SMYD3: variants seen among roughly 807,000 people sequenced by gnomAD.
SMYD3 encodes the protein SET and MYND domain containing 3.
Under a neutral mutation model 57.7 loss-of-function variants are expected in SMYD3, and 36 were observed. The ratio of observed to expected loss-of-function variants is 0.62; its 90% confidence interval spans 0.48 to 0.82. SMYD3 has a LOEUF of 0.82. Among genes scored for constraint, SMYD3 ranks in the 40% least tolerant of loss-of-function variants. The pLI is 0.00. For synonymous variants in SMYD3, 211 were observed against 195.0 expected, an observed-to-expected ratio of 1.08 and a Z score of -0.68; for missense variants, 515 against 538.8, an observed-to-expected ratio of 0.96 and a Z score of 0.44.
intron 5 of SMYD3, among the ~76,000 whole-genome samples, chr1:246,075,781 C>A (rs1243543141): frequency 6.6e-6 from 1 of 151,886 alleles, no homozygotes; most frequent in South Asian, 2.1e-4. Flanking sequence ...ATTGAGGGAG[C>A]TTTAAAATAT....
At chr1:246,480,512 A>C (rs944988803) in intron 1 of SMYD3, among the ~76,000 whole-genome samples, 3 of 152,192 alleles carry the variant, frequency 2.0e-5, no homozygotes, top group Admixed American at 6.5e-5. Context: ...AATACCTTAG[A>C]AGGTTAGATT....
At chr1:246,474,133 C>G (rs886575089) in intron 1 of SMYD3, among the ~76,000 whole-genome samples, 3 of 152,304 alleles carry the variant, frequency 2.0e-5, no homozygotes, top group East Asian at 3.9e-4. Flanking sequence ...AATTCTACAT[C>G]GGAGTGTTTT....
chr1:246,024,345 G>GA (rs2059534828), intron 5 of SMYD3, among the ~76,000 whole-genome samples: 3 of 136,462 alleles, frequency 2.2e-5, no homozygotes, highest in Non-Finnish European at 4.8e-5. Context: ...ATCTAGGAAG[G>GA]AGATACAGGA....
intron 1 of SMYD3, among the ~76,000 whole-genome samples, chr1:246,383,732 TG>T (rs1348263205): frequency 3.3e-5 from 5 of 152,270 alleles, no homozygotes; most frequent in African/African-American, 1.2e-4. Context: ...GAGGCCGAGG[TG>T]GGTTGATCAC....
intron 5 of SMYD3, among the ~76,000 whole-genome samples, chr1:246,178,573 T>C (rs2062474502): frequency 6.6e-6 from 1 of 152,148 alleles, no homozygotes; most frequent in Non-Finnish European, 1.5e-5. Flanking sequence ...AATGAATGAA[T>C]GGACAAGTGC....
At position 245,958,917 on chromosome 1, in the gene SMYD3, G is replaced by A. The variant is rs147194259; in HGVS notation, c.532-28980C>T. On this transcript the variant is annotated intron_variant, in intron 5 of 11. Coordinates refer to ENST00000490107, the MANE Select transcript of SMYD3 (RefSeq NM_001167740.2). ...TAAGAACTCTTTTTTGTTGTTGTTT[G>A]GTTTTTTTGAAACAGAGTTTCATTC... is the stretch of plus-strand genomic sequence containing the variant. 8.3e-3 allele frequency among the ~76,000 whole-genome samples: 1,257 copies of A among 152,116 alleles called. 12 individuals carry two copies. The highest frequency in any genetic ancestry group is 0.012 in the Non-Finnish European group (814 of 67,982).
chr1:246,002,215 C>G (rs186289477), intron 5 of SMYD3, among the ~76,000 whole-genome samples: 66 of 151,072 alleles, frequency 4.4e-4, no homozygotes, highest in South Asian at 2.3e-3. Context: ...AATGGAGTCT[C>G]GCTCCGTCAC....
chr1:246,318,366 C>T (rs1305631024), intron 5 of SMYD3, among the ~76,000 whole-genome samples: 2 of 152,100 alleles, frequency 1.3e-5, no homozygotes, highest in Admixed American at 6.6e-5. Flanking sequence ...GAGCAAGATC[C>T]TGTCTTTAAA....
chr1:245,796,241 A>G (rs1422505707), intron 10 of SMYD3, among the ~76,000 whole-genome samples: 1 of 152,224 alleles, frequency 6.6e-6, no homozygotes, highest in Non-Finnish European at 1.5e-5. Flanking sequence ...ATAATCAAAT[A>G]GTCTCTTGTT....
intron 5 of SMYD3, among the ~76,000 whole-genome samples, chr1:246,099,509 C>T (rs1406891681): frequency 6.6e-6 from 1 of 152,070 alleles, no homozygotes; most frequent in Non-Finnish European, 1.5e-5. Context: ...GGGTTTGGTC[C>T]CAATGGGGCT....
chr1:246,467,604 C>G (rs911821603), intron 1 of SMYD3, among the ~76,000 whole-genome samples: 2 of 152,142 alleles, frequency 1.3e-5, no homozygotes, highest in Non-Finnish European at 2.9e-5. Flanking sequence ...AAATTCCTAA[C>G]ACATACAATC....
intron 10 of SMYD3, among the ~76,000 whole-genome samples, chr1:245,834,817 C>T (rs1451530556): frequency 1.3e-5 from 2 of 152,124 alleles, no homozygotes; most frequent in South Asian, 4.1e-4. Context: ...TATGGGGTTA[C>T]ATTTTTGTCC....
chr1:245,749,940 T>C (rs2045269111), intron 11 of SMYD3, among the ~76,000 whole-genome samples: 1 of 152,196 alleles, frequency 6.6e-6, no homozygotes, highest in Non-Finnish European at 1.5e-5. Flanking sequence ...GTGCACAGGT[T>C]TGGTGGGTAG....
chr1:245,775,280 G>T (rs981503778), intron 10 of SMYD3, among the ~76,000 whole-genome samples: 7 of 152,334 alleles, frequency 4.6e-5, no homozygotes, highest in Admixed American at 3.3e-4. Context: ...TGGAAGGGGG[G>T]AAGTGTGGGG....
At chr1:246,454,161 T>C (rs987317517) in intron 1 of SMYD3, among the ~76,000 whole-genome samples, 2 of 152,130 alleles carry the variant, frequency 1.3e-5, no homozygotes, top group East Asian at 1.9e-4. Context: ...CTGTAGGAAA[T>C]AGTTTAATGG....
At chr1:245,769,525 G>C (rs1004018061) in intron 10 of SMYD3, among the ~76,000 whole-genome samples, 4 of 152,248 alleles carry the variant, frequency 2.6e-5, no homozygotes, top group African/African-American at 9.6e-5. Context: ...GAAAGAAAAA[G>C]ATGGTAGCGG....
chr1:246,027,966 G>C (rs973103760), intron 5 of SMYD3, among the ~76,000 whole-genome samples: 5 of 152,180 alleles, frequency 3.3e-5, no homozygotes, highest in Non-Finnish European at 7.4e-5. Context: ...ATTAACAAGA[G>C]TTTGGAAGGT....
At chr1:246,448,052 G>C (rs570706011) in intron 1 of SMYD3, among the ~76,000 whole-genome samples, 1 of 152,120 alleles carries the variant, frequency 6.6e-6, no homozygotes, top group South Asian at 2.1e-4. Context: ...TTCCTATTAA[G>C]AATAACATAA....
intron 5 of SMYD3, among the ~76,000 whole-genome samples, chr1:246,103,837 C>A (rs10924505): frequency 0.021 from 3,189 of 152,314 alleles, 143 homozygotes; most frequent in East Asian, 0.16. Context: ...CTGCTGATCA[C>A]TTCTCAGCAG....
Sources: allele counts gnomAD v4.1 joint callset (sites outside exome capture counted in the v4.1 genomes callset), GRCh38; gene constraint gnomAD v4.1.1; transcripts MANE v1.5; gene names NCBI Gene and HGNC (gene_info 2026-07-23, HGNC 2026-07-21).